Variants in AKAP6 observed in about 807,000 individuals in gnomAD.
The protein encoded by AKAP6 is A-kinase anchor protein 6.
In AKAP6, 58 loss-of-function variants were observed where a neutral mutation model predicts 188.5. That is an observed-to-expected ratio of 0.31 (90% CI 0.25 to 0.38). The LOEUF (loss-of-function observed/expected upper bound fraction) is 0.38. AKAP6 is among the 10% of genes least tolerant of loss of function. The probability of loss-of-function intolerance (pLI) is 1.00; values close to 1 mark genes in which losing one functional copy is unlikely to be tolerated. For synonymous variants in AKAP6, 989 were observed against 998.6 expected (o/e 0.99, Z 0.18); for missense variants, 2,710 against 2,740.0 (o/e 0.99, Z 0.24).
chr14:32,498,667 C>T (rs1880450348), intron 2 of AKAP6, among the ~76,000 whole-genome samples: 1 of 152,068 alleles, frequency 6.6e-6, no homozygotes, highest in Non-Finnish European at 1.5e-5. Flanking sequence ...AGCAACACTA[C>T]TTGGTCTTGC....
rs1201802207 is a variant in AKAP6, at chr14:32,547,100, A to G, written c.2346+101A>G. The G allele has an allele frequency of 9.0e-6, 10 of 1,115,424 alleles. No individual in the cohort carries two copies. The Admixed American group carries it at 1.3e-4, about 14-fold the overall frequency. 69.1% of individuals were successfully genotyped at this position (1,115,424 alleles called of 1,614,324 possible). ...ACACTCTATTATAAAATGTATGGCT[A>G]TTTTTGATAAATCTGATTCTCCAAA... On this transcript the variant is annotated intron_variant, in intron 4 of 13. Coordinates refer to ENST00000280979, the MANE Select transcript of AKAP6 (RefSeq NM_004274.5).
Position 32,750,746 on chromosome 14 carries a change from T to TTG in AKAP6, c.3372+14865_3372+14866insGT, listed in dbSNP as rs3033292. 4.6e-3 allele frequency among the ~76,000 whole-genome samples: 656 copies of TTG among 142,122 alleles called. 6 individuals carry two copies. Among genetic ancestry groups the TTG allele is most frequent in the Middle Eastern group, 0.017 (5 of 292 alleles). The allele number at this position is 142,122 out of a possible 152,430, so 93.2% of individuals were successfully genotyped here. On this transcript the variant is annotated intron_variant, in intron 11 of 13. Coordinates refer to ENST00000280979, the MANE Select transcript of AKAP6 (RefSeq NM_004274.5). ...TCACTAAATTAATTTTGTTTTTTTT[T>TTG]TTTTGTTTTTTTTTCAGATGGAGTC...
chr14:32,414,599 T>G (rs1396680840), intron 1 of AKAP6, among the ~76,000 whole-genome samples: 2 of 152,198 alleles, frequency 1.3e-5, no homozygotes, highest in African/African-American at 4.8e-5. Context: ...ATTGGTCTTT[T>G]TGTTTGCATT....
At chr14:32,707,189 TA>T (rs982322101) in intron 9 of AKAP6, among the ~76,000 whole-genome samples, 1 of 152,072 alleles carries the variant, frequency 6.6e-6, no homozygotes. Context: ...TTATTTAATT[TA>T]AAAAAATCTT....
chr14:32,488,703 A>G (rs1056634632), intron 2 of AKAP6, among the ~76,000 whole-genome samples: 15 of 152,152 alleles, frequency 9.9e-5, no homozygotes, highest in Admixed American at 5.9e-4. Context: ...TTGCAAAGAC[A>G]GTGGGAAAAG....
intron 2 of AKAP6, among the ~76,000 whole-genome samples, chr14:32,452,490 A>G (rs984350633): frequency 3.9e-5 from 6 of 152,180 alleles, no homozygotes; most frequent in Admixed American, 1.3e-4. Flanking sequence ...ATCTTTGTAT[A>G]CTTGTCTAAA....
At chr14:32,666,062 A>C (rs1888921833) in intron 7 of AKAP6, among the ~76,000 whole-genome samples, 2 of 152,102 alleles carry the variant, frequency 1.3e-5, no homozygotes, top group Non-Finnish European at 2.9e-5. Context: ...TTAAGTAAAC[A>C]CAATTATTTG....
intron 7 of AKAP6, among the ~76,000 whole-genome samples, chr14:32,642,385 A>G (rs186440325): frequency 3.3e-5 from 5 of 152,308 alleles, no homozygotes; most frequent in Admixed American, 2.6e-4. Context: ...ATAGATTTTG[A>G]TCTACGTTGG....
At chr14:32,584,381 A>C (rs1204036453) in intron 5 of AKAP6, among the ~76,000 whole-genome samples, 2 of 152,170 alleles carry the variant, frequency 1.3e-5, no homozygotes, top group Non-Finnish European at 2.9e-5. Flanking sequence ...CACAACTCAG[A>C]ATGGCGTGCA....
chr14:32,448,882 AG>A (rs373272659), intron 2 of AKAP6, among the ~76,000 whole-genome samples: 1 of 152,192 alleles, frequency 6.6e-6, no homozygotes, highest in African/African-American at 2.4e-5. Context: ...TGATTCTACA[AG>A]GGAGATATTA....
chr14:32,823,203 A>G lies in AKAP6; in HGVS notation c.5390A>G (p.Tyr1797Cys). The change falls in exon 13 of 14, where the codon TAC becomes TGC. Residue 1797 changes from tyrosine to cysteine, a missense_variant. Around this residue, in one of 2 missense-constraint regions of AKAP6, gnomAD observed 2,473 missense variants for 2,426.1 expected, o/e 1.02. Coordinates refer to ENST00000280979, the MANE Select transcript of AKAP6 (RefSeq NM_004274.5). ...EDCTLMSGLD[Y>C]IKNELQTWIR... is the part of the protein sequence containing the mutation. ...TGCACCTTGATGTCAGGGCTAGACT[A>G]CATAAAGAATGAATTACAGACCTGG... 2 of 1,613,826 alleles carry G rather than the reference A, an allele frequency of 1.2e-6. No homozygotes were observed. The highest frequency in any genetic ancestry group is 1.7e-6 in the Non-Finnish European group (2 of 1,179,896).
chr14:32,392,288 T>C (rs1187131989), intron 1 of AKAP6, among the ~76,000 whole-genome samples: 1 of 152,102 alleles, frequency 6.6e-6, no homozygotes, highest in Non-Finnish European at 1.5e-5. Context: ...TATATTGCAG[T>C]AAATAATATA....
intron 12 of AKAP6, among the ~76,000 whole-genome samples, chr14:32,806,169 C>T (rs1380692024): frequency 1.3e-5 from 2 of 152,086 alleles, no homozygotes; most frequent in Non-Finnish European, 2.9e-5. Context: ...TGGGATTTGC[C>T]TACACAGAAA....
intron 2 of AKAP6, among the ~76,000 whole-genome samples, chr14:32,487,990 G>T (rs1594668656): frequency 6.6e-6 from 1 of 152,320 alleles, no homozygotes; most frequent in Non-Finnish European, 1.5e-5. Context: ...CCTGCTGGGA[G>T]GTATCTCCTT....
chr14:32,776,388 C>T (rs2033063898), intron 12 of AKAP6, among the ~76,000 whole-genome samples: 2 of 152,180 alleles, frequency 1.3e-5, no homozygotes, highest in Non-Finnish European at 2.9e-5. Flanking sequence ...GTCATTCTCT[C>T]TTGTCTGCTG....
At chr14:32,792,698 G>A (rs1368208245) in intron 12 of AKAP6, among the ~76,000 whole-genome samples, 1 of 152,112 alleles carries the variant, frequency 6.6e-6, no homozygotes, top group African/African-American at 2.4e-5. Context: ...TCTTATGCTG[G>A]TTTTCAAAGG....
intron 12 of AKAP6, among the ~76,000 whole-genome samples, chr14:32,802,228 C>A (rs554534568): frequency 6.6e-6 from 1 of 152,220 alleles, no homozygotes; most frequent in East Asian, 1.9e-4. Context: ...TACCACTCAG[C>A]AAGGATATGT....
At chr14:32,401,085 G>A (rs1043940204) in intron 1 of AKAP6, among the ~76,000 whole-genome samples, 1 of 152,156 alleles carries the variant, frequency 6.6e-6, no homozygotes, top group Admixed American at 6.5e-5. Flanking sequence ...GTAAGGACAT[G>A]ATGCCTAGAA....
chr14:32,388,186 G>A (rs1227055934), intron 1 of AKAP6, among the ~76,000 whole-genome samples: 2 of 151,980 alleles, frequency 1.3e-5, no homozygotes, highest in Non-Finnish European at 2.9e-5. Flanking sequence ...GGTGTCAGTC[G>A]TAATATCTCC....
Sources: gnomAD v4.1 joint callset for allele counts (sites outside exome capture counted in the v4.1 genomes callset) on GRCh38, gnomAD v4.1.1 for gene constraint, gnomAD v4.1.1 regional missense constraint, MANE v1.5 for transcripts, NCBI Gene and HGNC (gene_info 2026-07-23, HGNC 2026-07-21) for gene names.